Variants in CTNNA3 observed in about 807,000 individuals in gnomAD.
CTNNA3 encodes the protein catenin alpha-3.
A neutral mutation model predicts 95.7 loss-of-function variants in CTNNA3; 76 were observed. That is an observed-to-expected ratio of 0.79 (90% CI 0.66 to 0.96). CTNNA3 has a LOEUF of 0.96. CTNNA3 is among the 40% of genes least tolerant of loss of function. The pLI is 0.00. For missense variants in CTNNA3, 1,191 were observed against 1,089.8 expected (o/e 1.09, Z -1.31); for synonymous variants, 431 against 374.4 (o/e 1.15, Z -1.74).
intron 7 of CTNNA3, among the ~76,000 whole-genome samples, chr10:66,885,297 G>GT (rs975616978): frequency 1.3e-5 from 2 of 152,102 alleles, no homozygotes; most frequent in Non-Finnish European, 2.9e-5. Flanking sequence ...GTTCAATAAG[G>GT]TTTTTTGTGA....
chr10:66,282,028 C>T lies in CTNNA3; in HGVS notation c.1733-1407G>A, dbSNP rs1053788773. ...TTCAATTCCTTAGTCATACTCATCC[C>T]ATTTCAACTGCTTAACACATACATG... On this transcript the variant is annotated intron_variant, in intron 12 of 17. Coordinates refer to ENST00000433211, the MANE Select transcript of CTNNA3 (RefSeq NM_013266.4). Among the ~76,000 whole-genome samples the T allele has an allele frequency of 3.3e-5, 5 of 151,928 alleles. No individual in the cohort carries two copies. The East Asian group carries it at 9.7e-4, about 29-fold the overall frequency.
rs980644934 is a variant in CTNNA3 at position 66,692,925 on chromosome 10, C to T, written c.1282-71141G>A. Among the ~76,000 whole-genome samples, 7 of 152,212 alleles carry T rather than the reference C, an allele frequency of 4.6e-5. No individual in the cohort carries two copies. The East Asian group carries it at 1.4e-3, about 29-fold the overall frequency. On this transcript the variant is annotated intron_variant, in intron 9 of 17. Transcript: ENST00000433211. ...ACAAGCAAATGCTGAGAGATTTTGT[C>T]ACCACCAGGCCTGCCCTAAAAGAGC... is the stretch of plus-strand genomic sequence containing the variant.
intron 11 of CTNNA3, among the ~76,000 whole-genome samples, chr10:66,431,201 G>C (rs528011664): frequency 1.2e-4 from 19 of 152,186 alleles, no homozygotes; most frequent in African/African-American, 4.6e-4. Flanking sequence ...ATGAGACATC[G>C]TCTCACACCA....
chr10:67,537,251 A>C (rs1318624962), intron 4 of CTNNA3, among the ~76,000 whole-genome samples: 1 of 152,140 alleles, frequency 6.6e-6, no homozygotes, highest in Non-Finnish European at 1.5e-5. Flanking sequence ...TTTGTAGTTA[A>C]AGCTGTTCTA....
intron 9 of CTNNA3, among the ~76,000 whole-genome samples, chr10:66,686,207 T>C (rs1847290867): frequency 6.6e-6 from 1 of 152,212 alleles, no homozygotes. Flanking sequence ...CCTCATGCTA[T>C]GTTTATTTAA....
intron 4 of CTNNA3, among the ~76,000 whole-genome samples, chr10:67,538,579 C>CA (rs201934941): frequency 0.16 from 18,541 of 112,758 alleles, 1,434 homozygotes; most frequent in East Asian, 0.34. Context: ...GACTCCATCT[C>CA]AAAAAAAAAA....
chr10:66,807,932 T>C (rs1429047133), intron 7 of CTNNA3, among the ~76,000 whole-genome samples: 1 of 152,162 alleles, frequency 6.6e-6, no homozygotes, highest in Non-Finnish European at 1.5e-5. Flanking sequence ...CTAGGTTTTC[T>C]ATTAGTGTGA....
At chr10:67,295,600 C>T (rs183912224) in intron 5 of CTNNA3, among the ~76,000 whole-genome samples, 1 of 152,244 alleles carries the variant, frequency 6.6e-6, no homozygotes, top group African/African-American at 2.4e-5. Flanking sequence ...TCTTCAATTC[C>T]TAAAGTGGCA....
At chr10:67,160,408 A>G (rs928568894) in intron 7 of CTNNA3, among the ~76,000 whole-genome samples, 4 of 150,502 alleles carry the variant, frequency 2.7e-5, no homozygotes, top group Non-Finnish European at 5.9e-5. Flanking sequence ...TGGAAGAGAT[A>G]TATGCACTCT....
At chr10:66,238,618 A>C (rs1176972612) in intron 13 of CTNNA3, among the ~76,000 whole-genome samples, 1 of 151,868 alleles carries the variant, frequency 6.6e-6, no homozygotes, top group Non-Finnish European at 1.5e-5. Flanking sequence ...AAATGGGAGT[A>C]AAAACAGATT....
chr10:67,674,516 A>G (rs1840500347), intron 1 of CTNNA3, among the ~76,000 whole-genome samples: 1 of 152,152 alleles, frequency 6.6e-6, no homozygotes, highest in African/African-American at 2.4e-5. Context: ...GTTCAGTTTC[A>G]ATAAGTATTG....
intron 2 of CTNNA3, among the ~76,000 whole-genome samples, chr10:67,643,840 A>G (rs947312070): frequency 1.3e-4 from 20 of 152,034 alleles, no homozygotes; most frequent in African/African-American, 4.6e-4. Context: ...AGCTTCATCC[A>G]TGTCCCTGCA....
chr10:66,079,145 T>C (rs1028649437), intron 14 of CTNNA3: 1 of 152,016 alleles, frequency 6.6e-6, no homozygotes, highest in Admixed American at 6.6e-5. Context: ...TATAGCATAG[T>C]ACAATTATAT....
chr10:66,629,294 A>G (rs981700766), intron 9 of CTNNA3, among the ~76,000 whole-genome samples: 8 of 152,220 alleles, frequency 5.3e-5, no homozygotes, highest in African/African-American at 1.9e-4. Context: ...CATGAGTCTT[A>G]TGACTCAAGG....
chr10:65,997,409 C>A (rs1322544268), intron 15 of CTNNA3, among the ~76,000 whole-genome samples: 1 of 152,154 alleles, frequency 6.6e-6, no homozygotes, highest in Non-Finnish European at 1.5e-5. Flanking sequence ...AATCGGTATA[C>A]CATCTTGGGT....
At chr10:66,602,819 A>T (rs1159705961) in intron 10 of CTNNA3, among the ~76,000 whole-genome samples, 4 of 152,142 alleles carry the variant, frequency 2.6e-5, no homozygotes, top group Non-Finnish European at 5.9e-5. Context: ...GTGATACAGC[A>T]TATCAACAGA....
intron 5 of CTNNA3, among the ~76,000 whole-genome samples, chr10:67,327,401 T>C (rs570665398): frequency 6.6e-6 from 1 of 152,346 alleles, no homozygotes; most frequent in South Asian, 2.1e-4. Flanking sequence ...GATGGGGTTT[T>C]TTTCCTTTTA....
chr10:67,407,782 T>G (rs1845196027), intron 5 of CTNNA3, among the ~76,000 whole-genome samples: 1 of 152,042 alleles, frequency 6.6e-6, no homozygotes, highest in Non-Finnish European at 1.5e-5. Context: ...AGCAGGCAAG[T>G]AGAGAGCCAA....
chr10:66,172,415 T>C (rs764628884), intron 13 of CTNNA3, among the ~76,000 whole-genome samples: 6 of 152,168 alleles, frequency 3.9e-5, no homozygotes, highest in Admixed American at 2.6e-4. Context: ...ACCTGAATAA[T>C]TGAATATGTT....
Sources: gnomAD v4.1 joint callset for allele counts (sites outside exome capture counted in the v4.1 genomes callset) on GRCh38, gnomAD v4.1.1 for gene constraint, MANE v1.5 for transcripts, NCBI Gene and HGNC (gene_info 2026-07-23, HGNC 2026-07-21) for gene names.